The following KMT2C variants were observed in gnomAD, a reference collection of about 807,000 sequenced individuals.
KMT2C encodes the protein histone-lysine N-methyltransferase 2C.
KMT2C carries 88 observed loss-of-function variants against 507.9 expected under a neutral mutation model. The ratio of observed to expected loss-of-function variants is 0.17; its 90% CI spans 0.15 to 0.21. KMT2C has a LOEUF of 0.21. Among genes scored for constraint, KMT2C ranks in the 10% least tolerant of loss-of-function variants. The probability of loss-of-function intolerance (pLI) is 1.00; values close to 1 mark genes in which losing one functional copy is unlikely to be tolerated. For synonymous variants in KMT2C, 2,049 were observed against 2,080.8 expected (o/e 0.98, Z 0.42); for missense variants, 4,954 against 5,957.8 (o/e 0.83, Z 5.55).
chr7:152,251,570 T>C (rs766769103), intron 11 of KMT2C, among the ~76,000 whole-genome samples: 3 of 152,096 alleles, frequency 2.0e-5, no homozygotes, highest in Non-Finnish European at 2.9e-5. Context: ...AAGGTGATAA[T>C]TAACTTAAGA....
intron 1 of KMT2C, among the ~76,000 whole-genome samples, chr7:152,383,872 C>T (rs926887767): frequency 1.3e-5 from 2 of 152,064 alleles, no homozygotes; most frequent in African/African-American, 4.8e-5. Flanking sequence ...ATCGTCATTA[C>T]TCCTATTACT....
chr7:152,199,564 T>C, intron 26 of KMT2C, 105 bp from the exon 27 acceptor site: 1 of 632,754 alleles, frequency 1.6e-6, no homozygotes, highest in South Asian at 2.8e-5. Context: ...CAGAAAAGGT[T>C]TATATTTAAC....
chr7:152,214,035 C>G (rs193038839), intron 23 of KMT2C, among the ~76,000 whole-genome samples: 33 of 152,046 alleles, frequency 2.2e-4, no homozygotes, highest in African/African-American at 7.7e-4. Flanking sequence ...TCTCATGTCT[C>G]TTAGAATGAC....
intron 2 of KMT2C, among the ~76,000 whole-genome samples, chr7:152,335,440 C>T (rs1030187158): frequency 2.0e-5 from 3 of 152,128 alleles, no homozygotes; most frequent in Non-Finnish European, 4.4e-5. Flanking sequence ...CCTTCAGAAA[C>T]TTACCAACAA....
chr7:152,327,500 AG>A (rs973327294), intron 3 of KMT2C, among the ~76,000 whole-genome samples: 6 of 152,244 alleles, frequency 3.9e-5, no homozygotes, highest in Admixed American at 2.6e-4. Context: ...GCTCTAAACT[AG>A]CAAATATTCT....
chr7:152,363,061 CA>C (rs1250420995), intron 1 of KMT2C, among the ~76,000 whole-genome samples: 5 of 152,150 alleles, frequency 3.3e-5, no homozygotes, highest in Admixed American at 6.5e-5. Context: ...ATTCTGAATG[CA>C]AAGATAATGG....
chr7:152,179,724 A>C, intron 37 of KMT2C, 110 bp downstream of exon 37: 4 of 1,013,922 alleles, frequency 3.9e-6, no homozygotes, highest in Non-Finnish European at 5.9e-6. Flanking sequence ...GCCTCAAGCA[A>C]TCCTCCTGCC....
At chr7:152,309,246 A>T (rs540004775) in intron 6 of KMT2C, among the ~76,000 whole-genome samples, 1 of 152,026 alleles carries the variant, frequency 6.6e-6, no homozygotes, top group African/African-American at 2.4e-5. Flanking sequence ...TTAAATGTAA[A>T]CTACTTATTT....
chr7:152,167,455 A>G lies in KMT2C; in HGVS notation c.9518-77T>C. 3.0e-6 allele frequency: 3 copies of G among 984,132 alleles called. No individual in the cohort carries two copies. The South Asian group carries it at 4.6e-5, about 15-fold the overall frequency. 61.0% of individuals were successfully genotyped at this position (984,132 alleles called of 1,614,324 possible). A position where few individuals can be genotyped will look rare whatever the true frequency, so the allele number is the denominator to read the frequency against. On this transcript the variant is annotated intron_variant, in intron 41 of 58. Transcript: ENST00000262189. The stretch of plus-strand genomic sequence containing the variant: ...TATAAGTTACACAAATCTATTTTGT[A>G]AGGAAGTAGTTTCACCATGACCACA...
At chr7:152,142,558 C>T (rs528572934) in intron 55 of KMT2C, among the ~76,000 whole-genome samples, 5 of 152,328 alleles carry the variant, frequency 3.3e-5, no homozygotes, top group East Asian at 1.9e-4. Flanking sequence ...AAAGTACACA[C>T]GCTTTTACAC....
chr7:152,177,692 A>G lies in KMT2C; in HGVS notation c.7761T>C (p.Asn2587=), dbSNP rs1327563562. 1.2e-6 allele frequency: 2 copies of G among 1,614,106 alleles called. No individual in the cohort carries two copies. Among genetic ancestry groups the G allele is most frequent in the Non-Finnish European group, 1.7e-6 (2 of 1,180,022 alleles). Residue 2587 remains asparagine (N), a synonymous_variant, in exon 38 of 59, where the codon AAT becomes AAC. Transcript: ENST00000262189. ...GGGGAATGAAGTTTCCATGTCTCAGATTAGAAGATGCCTCTACAACGCTGC... is the reference window on the plus strand; with the variant it reads ...GGGGAATGAAGTTTCCATGTCTCAGGTTAGAAGATGCCTCTACAACGCTGC... ...PPGSVVEASS[N]LRHGNFIPRP...
chr7:152,140,070 T>C (rs1044856765), intron 55 of KMT2C, among the ~76,000 whole-genome samples: 4 of 152,236 alleles, frequency 2.6e-5, no homozygotes, highest in Non-Finnish European at 4.4e-5. Context: ...TCTTATGTAT[T>C]AGGCTATCTA....
chr7:152,312,797 C>T (rs1252979542), intron 4 of KMT2C, among the ~76,000 whole-genome samples: 1 of 152,072 alleles, frequency 6.6e-6, no homozygotes, highest in African/African-American at 2.4e-5. Context: ...CAGATGACTA[C>T]CACTAAAACT....
In KMT2C at chr7:152,393,151, C is replaced by T. The variant is rs2097513093; in HGVS notation, c.162-34476G>A. 3.3e-5 allele frequency among the ~76,000 whole-genome samples: 5 copies of T among 152,138 alleles called. No homozygotes were observed. The South Asian group carries it at 1.0e-3, about 32-fold the overall frequency. On this transcript the variant is annotated intron_variant, in intron 1 of 58. Transcript: ENST00000262189. ...CCCAATGCTACCTCTATAACTCACA[C>T]ATGATAGTTTTATAAAGATAACTAC...
intron 1 of KMT2C, among the ~76,000 whole-genome samples, chr7:152,406,719 G>C (rs2097618864): frequency 6.6e-6 from 1 of 151,860 alleles, no homozygotes; most frequent in African/African-American, 2.4e-5. Context: ...TCCTGATGTT[G>C]CCCAGGCTGG....
Position 152,163,189 on chromosome 7 carries a change from A to G in KMT2C, c.10388T>C (p.Met3463Thr). 1 of 1,614,238 alleles carries G rather than the reference A, an allele frequency of 6.2e-7. No homozygotes were observed. Among genetic ancestry groups the G allele is most frequent in the Non-Finnish European group, 8.5e-7 (1 of 1,180,036 alleles). ...FYSSDLPCDFMQPLGPLQQSP... is the reference protein window; with the variant it reads ...FYSSDLPCDFTQPLGPLQQSP... ...CTGCTGAAGGGGTCCTAGAGGTTGC[A>G]TAAAATCACAAGGTAAGTCGGAACT... Residue 3463 changes from methionine (M) to threonine (T), a missense_variant, in exon 43 of 59, where the codon ATG (methionine) becomes ACG (threonine). Transcript: ENST00000262189.
chr7:152,311,896 T>C lies in KMT2C; in HGVS notation c.641A>G (p.Gln214Arg), dbSNP rs2096675050. The C allele has an allele frequency of 6.2e-7, 1 of 1,610,740 alleles. No individual in the cohort carries two copies. The highest frequency in any genetic ancestry group is 1.3e-5 in the African/African-American group (1 of 74,900). ...NIVSCVSVSTQTASDDQAGKL... is the reference protein window; with the variant it reads ...NIVSCVSVSTRTASDDQAGKL... The stretch of plus-strand genomic sequence containing the variant: ...ACCAGCTTGATCATCTGAAGCTGTC[T>C]GGGTGCTTACACTTACACAAGATAC... The change falls in exon 5 of 59, where the codon CAG becomes CGG. Residue 214 changes from glutamine (Q) to arginine (R), a missense_variant. Gln to Arg is a conservative substitution (Grantham distance 43). This residue lies in a region of KMT2C where 233 missense variants were observed against 263.6 expected (regional missense o/e 0.88). Transcript: ENST00000262189.
intron 23 of KMT2C, among the ~76,000 whole-genome samples, chr7:152,215,964 C>T (rs1227828220): frequency 2.6e-5 from 4 of 152,042 alleles, no homozygotes; most frequent in African/African-American, 9.7e-5. Context: ...AAGTAACAAA[C>T]CTCAAGGAAG....
chr7:152,405,988 C>CA (rs2097611222), intron 1 of KMT2C, among the ~76,000 whole-genome samples: 1 of 149,228 alleles, frequency 6.7e-6, no homozygotes, highest in African/African-American at 2.5e-5. Flanking sequence ...AACTCTGTCT[C>CA]AGAAAAAAAA....
Sources: gnomAD v4.1 joint callset for allele counts (sites outside exome capture counted in the v4.1 genomes callset) on GRCh38, gnomAD v4.1.1 for gene constraint, gnomAD v4.1.1 regional missense constraint, MANE v1.5 for transcripts, NCBI Gene and HGNC (gene_info 2026-07-23, HGNC 2026-07-21) for gene names.